MYT1L: variants seen among roughly 807,000 people sequenced by gnomAD.
The protein encoded by MYT1L is myelin transcription factor 1-like protein.
Under a neutral mutation model 126.7 loss-of-function variants are expected in MYT1L, and 12 were observed. The ratio of observed to expected loss-of-function variants is 0.09; its 90% CI spans 0.06 to 0.15. The LOEUF (loss-of-function observed/expected upper bound fraction) is 0.15. MYT1L is among the 10% of genes least tolerant of loss of function. The pLI, the probability that MYT1L is intolerant of heterozygous loss-of-function variation, is 1.00. For synonymous variants in MYT1L, 541 were observed against 604.2 expected (o/e 0.90, Z 1.53); for missense variants, 979 against 1,585.2 (o/e 0.62, Z 6.49).
chr2:2,174,766 G>T (rs1462706734), intron 2 of MYT1L, among the ~76,000 whole-genome samples: 1 of 152,054 alleles, frequency 6.6e-6, no homozygotes, highest in Non-Finnish European at 1.5e-5. Context: ...TTCATCAAAT[G>T]TTATTGATTG....
intron 21 of MYT1L, among the ~76,000 whole-genome samples, chr2:1,835,515 C>T (rs1025267977): frequency 1.3e-5 from 2 of 152,210 alleles, no homozygotes; most frequent in African/African-American, 2.4e-5. Context: ...CTGAACCATA[C>T]ACCTGAAGAT....
intron 3 of MYT1L, among the ~76,000 whole-genome samples, chr2:2,160,020 A>C (rs2148414721): frequency 6.6e-6 from 1 of 152,124 alleles, no homozygotes; most frequent in East Asian, 1.9e-4. Flanking sequence ...GCGGCAACCC[A>C]TGTCTCTCTG....
chr2:1,932,841 C>CAGGTGGAGGGCTGGG (rs2055200266), intron 9 of MYT1L, among the ~76,000 whole-genome samples: 1 of 152,074 alleles, frequency 6.6e-6, no homozygotes, highest in African/African-American at 2.4e-5. Flanking sequence ...GCTGGAAGGG[C>CAGGTGGAGGGCTGGG]AGGTGGAGGG....
chr2:2,329,869 C>T (rs1296867522), intron 1 of MYT1L, among the ~76,000 whole-genome samples: 1 of 151,992 alleles, frequency 6.6e-6, no homozygotes, highest in Non-Finnish European at 1.5e-5. Context: ...AAACAAACTT[C>T]CTTTTTTTCT....
chr2:2,156,006 G>C (rs899047900), intron 3 of MYT1L, among the ~76,000 whole-genome samples: 3 of 152,136 alleles, frequency 2.0e-5, no homozygotes, highest in African/African-American at 7.2e-5. Context: ...GTGACCCATA[G>C]TGACAAAAAA....
chr2:1,935,517 G>T (rs1358760066), intron 9 of MYT1L, among the ~76,000 whole-genome samples: 1 of 152,208 alleles, frequency 6.6e-6, no homozygotes, highest in Non-Finnish European at 1.5e-5. Flanking sequence ...AATCACAATT[G>T]TGATGTTATG....
intron 21 of MYT1L, among the ~76,000 whole-genome samples, chr2:1,812,710 T>C (rs904083535): frequency 5.9e-5 from 9 of 152,108 alleles, no homozygotes; most frequent in African/African-American, 1.7e-4. Flanking sequence ...ACCCTGTCTC[T>C]ACTAAAAATA....
intron 18 of MYT1L, among the ~76,000 whole-genome samples, chr2:1,862,209 C>T (rs2044775727): frequency 6.6e-6 from 1 of 151,998 alleles, no homozygotes; most frequent in Admixed American, 6.6e-5. Flanking sequence ...GATTTCAAAC[C>T]TTGTTTCATT....
At chr2:2,212,834 T>A (rs2093568297) in intron 2 of MYT1L, among the ~76,000 whole-genome samples, 1 of 152,192 alleles carries the variant, frequency 6.6e-6, no homozygotes, top group African/African-American at 2.4e-5. Context: ...AAGTTTGTCA[T>A]TCCACCTAGC....
intron 15 of MYT1L, among the ~76,000 whole-genome samples, chr2:1,890,153 T>C (rs2048671186): frequency 6.6e-6 from 1 of 151,552 alleles, no homozygotes; most frequent in Non-Finnish European, 1.5e-5. Flanking sequence ...CACTGCAACC[T>C]CCACCTCCCA....
At chr2:2,007,996 G>T (rs1236054686) in intron 4 of MYT1L, among the ~76,000 whole-genome samples, 1 of 152,194 alleles carries the variant, frequency 6.6e-6, no homozygotes, top group Non-Finnish European at 1.5e-5. Flanking sequence ...CGGAGGTCCT[G>T]CAGAGAGCAT....
intron 4 of MYT1L, among the ~76,000 whole-genome samples, chr2:2,041,674 C>T (rs2067559334): frequency 6.6e-6 from 1 of 152,124 alleles, no homozygotes; most frequent in Non-Finnish European, 1.5e-5. Context: ...TGCTTGCTCA[C>T]CGGAGGCAAA....
chr2:1,824,004 C>G (rs558095880), intron 21 of MYT1L, among the ~76,000 whole-genome samples: 42 of 152,294 alleles, frequency 2.8e-4, no homozygotes, highest in Non-Finnish European at 4.7e-4. Context: ...CGCCTCCCCC[C>G]CCAGCGGGGC....
intron 2 of MYT1L, among the ~76,000 whole-genome samples, chr2:2,218,058 C>T (rs970902127): frequency 1.3e-5 from 2 of 152,106 alleles, no homozygotes; most frequent in African/African-American, 2.4e-5. Flanking sequence ...AATAAAAAGA[C>T]CAACCACATA....
chr2:2,304,199 A>G (rs981946431), intron 1 of MYT1L, among the ~76,000 whole-genome samples: 2 of 152,232 alleles, frequency 1.3e-5, no homozygotes, highest in Non-Finnish European at 1.5e-5. Flanking sequence ...AGAAAAATCC[A>G]TATGGTGGAA....
At chr2:2,074,737 G>A (rs2075020234) in intron 3 of MYT1L, among the ~76,000 whole-genome samples, 1 of 152,138 alleles carries the variant, frequency 6.6e-6, no homozygotes, top group South Asian at 2.1e-4. Context: ...CCAAAAGAAT[G>A]AGATGTTGGT....
At chr2:2,208,663 T>C (rs567924626) in intron 2 of MYT1L, among the ~76,000 whole-genome samples, 1 of 152,360 alleles carries the variant, frequency 6.6e-6, no homozygotes, top group African/African-American at 2.4e-5. Context: ...GAAGAATGTT[T>C]TAAAAGTGAG....
intron 2 of MYT1L, among the ~76,000 whole-genome samples, chr2:2,225,834 C>G (rs7597220): frequency 0.79 from 120,446 of 152,096 alleles, 48,203 homozygotes; most frequent in East Asian, 0.98. Context: ...GAGTGACAAT[C>G]AAACAAAGGT....
chr2:2,163,886 T>A (rs79320316), intron 3 of MYT1L, among the ~76,000 whole-genome samples: 3,433 of 152,316 alleles, frequency 0.023, 69 homozygotes, highest in Non-Finnish European at 0.034. Context: ...GGACCAGGTG[T>A]AAATTTTATG....
Sources: allele counts gnomAD v4.1 joint callset (sites outside exome capture counted in the v4.1 genomes callset), GRCh38; gene constraint gnomAD v4.1.1; transcripts MANE v1.5; gene names NCBI Gene and HGNC (gene_info 2026-07-23, HGNC 2026-07-21).